The following WDFY4 variants were observed in gnomAD, a reference collection of about 807,000 sequenced individuals.
WDFY4 encodes WD repeat- and FYVE domain-containing protein 4.
WDFY4 carries 169 observed loss-of-function variants against 351.9 expected under a neutral mutation model. The observed-to-expected ratio is 0.48, with a 90% CI of 0.42 to 0.55. The LOEUF (loss-of-function observed/expected upper bound fraction) is 0.55. Among genes scored for constraint, WDFY4 ranks in the 20% least tolerant of loss-of-function variants. WDFY4 has a pLI of 0.00. For missense variants in WDFY4, 3,803 were observed against 3,935.6 expected (o/e 0.97, Z 0.90); for synonymous variants, 1,622 against 1,574.6 (o/e 1.03, Z -0.71).
At chr10:48,888,528 G>A (rs1037378974) in intron 43 of WDFY4, among the ~76,000 whole-genome samples, 1 of 151,816 alleles carries the variant, frequency 6.6e-6, no homozygotes, top group African/African-American at 2.4e-5. Context: ...TCTCCACCCA[G>A]CAGTCAGTGT....
Position 48,790,697 on chromosome 10 carries a change from T to C in WDFY4, c.4067-30T>C, listed in dbSNP as rs771882382. 63 of 1,545,850 alleles carry C rather than the reference T, an allele frequency of 4.1e-5. No homozygotes were observed. The Middle Eastern group carries it at 1.0e-3, about 25-fold the overall frequency. The stretch of plus-strand genomic sequence containing the variant: ...CCCATTGCAATGAAGCTGTGACATG[T>C]TGATGAAATGCCCACTTTATGCCAC... On this transcript the variant is annotated intron_variant, in intron 22 of 61. Transcript: ENST00000325239.
chr10:48,981,607 C>A, intron 61 of WDFY4, 129 bp downstream of exon 61: 3 of 787,066 alleles, frequency 3.8e-6, no homozygotes, highest in Non-Finnish European at 6.1e-6. Flanking sequence ...ATGGCCCCAC[C>A]AAGCACAGGA....
chr10:48,782,480 C>A (rs532374542), intron 19 of WDFY4, among the ~76,000 whole-genome samples: 2 of 152,308 alleles, frequency 1.3e-5, no homozygotes, highest in Admixed American at 1.3e-4. Context: ...GCATTAACAT[C>A]CTCCCTGCGG....
At chr10:48,964,261 GT>G (rs1220602240) in intron 54 of WDFY4, among the ~76,000 whole-genome samples, 1 of 152,226 alleles carries the variant, frequency 6.6e-6, no homozygotes, top group Non-Finnish European at 1.5e-5. Flanking sequence ...ACTAGTGAAA[GT>G]TGTGTTTGTC....
At chr10:48,890,759 C>G in intron 44 of WDFY4, 32 bp downstream of exon 44, 1 of 1,550,756 alleles carries the variant, frequency 6.4e-7, no homozygotes, top group South Asian at 1.2e-5. Context: ...GCAGATTCTT[C>G]CCTGAGCCCC....
At chr10:48,769,506 A>C (rs1045961490) in intron 13 of WDFY4, among the ~76,000 whole-genome samples, 75 of 152,336 alleles carry the variant, frequency 4.9e-4, no homozygotes, top group African/African-American at 1.8e-3. Flanking sequence ...GGACATTTTG[A>C]CCAAATTGGA....
chr10:48,758,291 T>C (rs2065395045), intron 12 of WDFY4, among the ~76,000 whole-genome samples: 1 of 152,218 alleles, frequency 6.6e-6, no homozygotes, highest in African/African-American at 2.4e-5. Context: ...ATTCAAATTG[T>C]CGTTCCCTTA....
At chr10:48,898,112 C>T (rs566630051) in intron 45 of WDFY4, among the ~76,000 whole-genome samples, 96 of 152,210 alleles carry the variant, frequency 6.3e-4, no homozygotes, top group African/African-American at 2.3e-3. Flanking sequence ...CTTTCAGTGC[C>T]TCACCCATGC....
In WDFY4 at chr10:48,787,876, T is replaced by TCTTTCC. The variant is rs1565198093; in HGVS notation, c.3809-654_3809-653insCTTTCC. Among the ~76,000 whole-genome samples the TCTTTCC allele has an allele frequency of 6.3e-5, 6 of 95,920 alleles. 1 individual carries two copies. Among genetic ancestry groups the TCTTTCC allele is most frequent in the African/African-American group, 3.7e-4 (6 of 16,044 alleles). 62.9% of individuals were successfully genotyped at this position (95,920 alleles called of 152,430 possible). A position where few individuals can be genotyped will look rare whatever the true frequency, so the allele number is the denominator to read the frequency against. On this transcript the variant is annotated intron_variant, in intron 20 of 61. Coordinates refer to ENST00000325239, the MANE Select transcript of WDFY4 (RefSeq NM_001394531.1). ...CTTCTTCTTTCTTCTTCTTTCTTCT[T>TCTTTCC]TCTTTCTTCTTCTTCTCCTTCTTCT...
rs150767682 is a variant in WDFY4 at position 48,743,157 on chromosome 10, G to A, written c.2068G>A (p.Ala690Thr). The change falls in exon 12 of 62, where the codon GCA (alanine) becomes ACA (threonine). Residue 690 changes from alanine (A) to threonine (T), a missense_variant. Physicochemically the swap from Ala to Thr is moderately conservative, Grantham distance 58. Coordinates refer to ENST00000325239, the MANE Select transcript of WDFY4 (RefSeq NM_001394531.1). ...TTTGTACACTCTCTGTGCTGTGTCC[G>A]CAGCGCTGCACTGGGACCCTGTCAA... ...LVLYTLCAVSAALHWDPVNGY... is the reference protein window; with the variant it reads ...LVLYTLCAVSTALHWDPVNGY... 256 of 1,551,696 alleles carry A rather than the reference G, an allele frequency of 1.6e-4. 1 individual carries two copies. Among genetic ancestry groups the A allele is most frequent in the East Asian group, 3.4e-4 (14 of 40,910 alleles).
chr10:48,874,584 A>T (rs1341327744), intron 41 of WDFY4, among the ~76,000 whole-genome samples: 1 of 152,204 alleles, frequency 6.6e-6, no homozygotes, highest in African/African-American at 2.4e-5. Flanking sequence ...TTTTCTAAGT[A>T]TTGTCAATAA....
intron 35 of WDFY4, among the ~76,000 whole-genome samples, chr10:48,825,824 TTTG>T (rs1281456749): frequency 1.3e-5 from 2 of 151,706 alleles, no homozygotes; most frequent in Admixed American, 1.3e-4. Context: ...TTCTTATAAA[TTTG>T]TTAAGTTCCC....
chr10:48,722,994 C>T (rs975054227), intron 4 of WDFY4, among the ~76,000 whole-genome samples: 12 of 152,134 alleles, frequency 7.9e-5, no homozygotes, highest in African/African-American at 2.4e-5. Flanking sequence ...AGGTCCTCAC[C>T]ATTGTTGCTC....
At chr10:48,953,335 A>T (rs2943251) in intron 51 of WDFY4, among the ~76,000 whole-genome samples, 2,468 of 28,756 alleles carry the variant, frequency 0.086, 25 homozygotes, top group South Asian at 0.15. Context: ...TCTCTCTCTC[A>T]CACACACACA....
At chr10:48,782,005 G>C (rs1250194425) in intron 19 of WDFY4, among the ~76,000 whole-genome samples, 2 of 152,192 alleles carry the variant, frequency 1.3e-5, no homozygotes, top group African/African-American at 4.8e-5. Context: ...ATTCATTTTA[G>C]GTGATTTTTA....
At chr10:48,981,530 C>G in intron 61 of WDFY4, 52 bp downstream of exon 61, 1 of 1,524,740 alleles carries the variant, frequency 6.6e-7, no homozygotes. Context: ...CTGCAGCCAC[C>G]TTTAGGAAAG....
At chr10:48,902,794 C>A (rs1322678580) in intron 47 of WDFY4, among the ~76,000 whole-genome samples, 1 of 151,774 alleles carries the variant, frequency 6.6e-6, no homozygotes. Context: ...CAAGCGAAGC[C>A]CTTATCAAGA....
chr10:48,840,423 C>T (rs2068557186), intron 39 of WDFY4, among the ~76,000 whole-genome samples: 1 of 99,012 alleles, frequency 1.0e-5, no homozygotes, highest in East Asian at 4.4e-4. Context: ...CACACATACA[C>T]ATACACACAC....
intron 47 of WDFY4, among the ~76,000 whole-genome samples, chr10:48,912,558 C>G (rs567087500): frequency 2.0e-5 from 3 of 152,236 alleles, no homozygotes; most frequent in African/African-American, 7.2e-5. Flanking sequence ...TTCAGTTGCT[C>G]TCTCCTCCAG....
Sources: allele counts gnomAD v4.1 joint callset (sites outside exome capture counted in the v4.1 genomes callset), GRCh38; gene constraint gnomAD v4.1.1; transcripts MANE v1.5; gene names NCBI Gene and HGNC (gene_info 2026-07-23, HGNC 2026-07-21).